AK8: variants seen among roughly 807,000 people sequenced by gnomAD.
The protein encoded by AK8 is ATP-AMP transphosphorylase 8.
Under a neutral mutation model 54.6 loss-of-function variants are expected in AK8, and 44 were observed. That is an observed-to-expected ratio of 0.81 (90% CI 0.63 to 1.04). The LOEUF (loss-of-function observed/expected upper bound fraction) is 1.04. AK8 is among the 50% of genes least tolerant of loss of function. The pLI, the probability that AK8 is intolerant of heterozygous loss-of-function variation, is 0.00. For missense variants in AK8, 555 were observed against 613.6 expected (o/e 0.90, Z 1.01); for synonymous variants, 239 against 245.6 (o/e 0.97, Z 0.25).
chr9:132,811,522 A>G (rs1353126510), intron 10 of AK8, among the ~76,000 whole-genome samples: 1 of 152,276 alleles, frequency 6.6e-6, no homozygotes, highest in African/African-American at 2.4e-5. Context: ...TGCCCCAGGA[A>G]GGAGCACAGC....
chr9:132,744,421 A>G (rs1220112265), intron 11 of AK8, among the ~76,000 whole-genome samples: 2 of 150,668 alleles, frequency 1.3e-5, no homozygotes, highest in African/African-American at 4.9e-5. Context: ...ACGTGCCAAA[A>G]AAAAAAAAAA....
chr9:132,789,214 G>A (rs1415173558), intron 11 of AK8, among the ~76,000 whole-genome samples: 5 of 152,090 alleles, frequency 3.3e-5, no homozygotes, highest in Admixed American at 1.3e-4. Context: ...AGAATGGCGT[G>A]AACCCGGGAG....
At chr9:132,792,594 G>A (rs1264747364) in intron 11 of AK8, 40 bp downstream of exon 11, 2 of 1,535,488 alleles carry the variant, frequency 1.3e-6, no homozygotes, top group South Asian at 2.4e-5. Flanking sequence ...GGGTGCCCAG[G>A]GGCTTGGCCA....
chr9:132,868,786 C>T (rs1309447239), intron 2 of AK8, among the ~76,000 whole-genome samples: 1 of 152,220 alleles, frequency 6.6e-6, no homozygotes, highest in Non-Finnish European at 1.5e-5. Flanking sequence ...CCTATGGTCA[C>T]TGTTTGTCAC....
chr9:132,828,059 G>T lies in AK8; in HGVS notation c.510C>A (p.Val170=). ...HVIVLSAPDT[V]LIERNLGKRI... is the part of the protein sequence containing the mutation. ...TCTTCCCCAAGTTTCTCTCGATCAG[G>T]ACCGTGTCTGGAGCACTCAGCACAA... The change falls in exon 7 of 13, where the codon GTC becomes GTA. Residue 170 remains valine, a synonymous_variant. Transcript: ENST00000298545. The T allele has an allele frequency of 6.4e-7, 1 of 1,573,960 alleles. No individual in the cohort carries two copies. Among genetic ancestry groups the T allele is most frequent in the Admixed American group, 1.8e-5 (1 of 54,314 alleles).
intron 2 of AK8, among the ~76,000 whole-genome samples, chr9:132,870,640 G>GGCTCCCTCT (rs943380304): frequency 6.6e-6 from 1 of 152,254 alleles, no homozygotes; most frequent in African/African-American, 2.4e-5. Context: ...CAAGTGCCGG[G>GGCTCCCTCT]GCTCCCTCTG....
chr9:132,844,614 C>T (rs878862126), intron 5 of AK8, among the ~76,000 whole-genome samples: 1 of 152,026 alleles, frequency 6.6e-6, no homozygotes, highest in Non-Finnish European at 1.5e-5. Context: ...CTGTCTCCAG[C>T]GGGAAGAGAT....
At chr9:132,869,737 T>C (rs1285020791) in intron 2 of AK8, among the ~76,000 whole-genome samples, 1 of 152,110 alleles carries the variant, frequency 6.6e-6, no homozygotes, top group Admixed American at 6.5e-5. Context: ...CCAGGTGGCA[T>C]TGAGGACACA....
intron 10 of AK8, among the ~76,000 whole-genome samples, chr9:132,802,210 G>C (rs1309292210): frequency 6.6e-6 from 1 of 152,228 alleles, no homozygotes; most frequent in African/African-American, 2.4e-5. Context: ...CCAGGCACGT[G>C]GTGCAGCCCA....
At chr9:132,828,940 T>C (rs925383206) in intron 5 of AK8, among the ~76,000 whole-genome samples, 2 of 152,056 alleles carry the variant, frequency 1.3e-5, no homozygotes, top group Admixed American at 1.3e-4. Flanking sequence ...AATCATAACA[T>C]ATATATTTTA....
chr9:132,834,731 CAAT>C (rs1842246869), intron 5 of AK8, among the ~76,000 whole-genome samples: 1 of 152,102 alleles, frequency 6.6e-6, no homozygotes, highest in Non-Finnish European at 1.5e-5. Context: ...CCTTGATAAT[CAAT>C]GATACATGCG....
At chr9:132,845,034 T>C (rs1842692018) in intron 5 of AK8, among the ~76,000 whole-genome samples, 1 of 152,166 alleles carries the variant, frequency 6.6e-6, no homozygotes, top group Non-Finnish European at 1.5e-5. Flanking sequence ...CAGTGCCACC[T>C]CCGCAAGGTT....
chr9:132,848,998 T>G (rs1483447236), intron 5 of AK8, among the ~76,000 whole-genome samples: 1 of 147,632 alleles, frequency 6.8e-6, no homozygotes, highest in African/African-American at 2.5e-5. Context: ...AACCTCTGCC[T>G]CTTGGGTTCA....
Position 132,851,269 on chromosome 9 carries a change from C to CTGG in AK8, c.402+3587_402+3588insCCA, listed in dbSNP as rs1191430928. Among the ~76,000 whole-genome samples the CTGG allele has an allele frequency of 2.0e-5, 3 of 152,344 alleles. No individual in the cohort carries two copies. The East Asian group carries it at 5.8e-4, about 29-fold the overall frequency. On this transcript the variant is annotated intron_variant, in intron 5 of 12. Transcript: ENST00000298545. ...GGTGGCACTGCTGTGTCAAAGGGGCCTGCAGGTGCCTGAAACACTGAAAGA... is the reference window on the plus strand; with the variant it reads ...GGTGGCACTGCTGTGTCAAAGGGGCCTGGTGCAGGTGCCTGAAACACTGAAAGA...
chr9:132,787,309 C>T (rs1421890678), intron 11 of AK8, among the ~76,000 whole-genome samples: 2 of 151,978 alleles, frequency 1.3e-5, no homozygotes, highest in African/African-American at 2.4e-5. Context: ...CTGACCTATA[C>T]CAAGGATATA....
intron 9 of AK8, among the ~76,000 whole-genome samples, chr9:132,822,323 A>C (rs961896738): frequency 4.7e-5 from 7 of 149,280 alleles, no homozygotes; most frequent in Non-Finnish European, 8.9e-5. Context: ...ATGTGTATGT[A>C]TATACAAATA....
Position 132,848,115 on chromosome 9 carries a change from CAAAAAAAAAAAAA to C in AK8, c.402+6729_402+6741del, listed in dbSNP as rs796764891. On this transcript the variant is annotated intron_variant, in intron 5 of 12. Transcript: ENST00000298545. Reference sequence around the variant, plus strand: ...TGGGCAACAGAGCAACACCCTGTTTCAAAAAAAAAAAAAAAAAAAAAAAAAAAAGATTGAAGAG... The same window carrying C: ...TGGGCAACAGAGCAACACCCTGTTTCAAAAAAAAAAAAAAAGATTGAAGAG... Among the ~76,000 whole-genome samples the C allele has an allele frequency of 4.2e-4, 22 of 52,538 alleles. 1 individual carries two copies. Among genetic ancestry groups the C allele is most frequent in the Admixed American group, 1.7e-3 (6 of 3,598 alleles). The allele number at this position is 52,538 out of a possible 152,430, so 34.5% of individuals were successfully genotyped here.
At chr9:132,858,155 C>T (rs985430671) in intron 4 of AK8, among the ~76,000 whole-genome samples, 3 of 152,234 alleles carry the variant, frequency 2.0e-5, no homozygotes, top group Non-Finnish European at 4.4e-5. Context: ...GTGCTGCTTC[C>T]GTGCACTTAA....
intron 9 of AK8, among the ~76,000 whole-genome samples, chr9:132,819,984 T>C (rs896077286): frequency 2.0e-5 from 3 of 151,490 alleles, no homozygotes; most frequent in Non-Finnish European, 4.4e-5. Flanking sequence ...CATAGAGAGA[T>C]TCCCGTCTTT....
Sources: allele counts gnomAD v4.1 joint callset (sites outside exome capture counted in the v4.1 genomes callset), GRCh38; gene constraint gnomAD v4.1.1; transcripts MANE v1.5; gene names NCBI Gene and HGNC (gene_info 2026-07-23, HGNC 2026-07-21).